LSM14B: variants seen among roughly 807,000 people sequenced by gnomAD.
LSM14B encodes the protein protein LSM14 homolog B.
In LSM14B, 8 loss-of-function variants were observed where a neutral mutation model predicts 42.1. The ratio of observed to expected loss-of-function variants is 0.19; its 90% CI spans 0.11 to 0.34. The LOEUF (loss-of-function observed/expected upper bound fraction) is 0.34. Ranked by LOEUF, LSM14B falls within the 10% of genes least tolerant of loss-of-function variation. The probability of loss-of-function intolerance (pLI) is 1.00; values close to 1 mark genes in which losing one functional copy is unlikely to be tolerated. For synonymous variants in LSM14B, 219 were observed against 209.7 expected (o/e 1.04, Z -0.38); for missense variants, 396 against 513.1 (o/e 0.77, Z 2.21).
intron 2 of LSM14B, among the ~76,000 whole-genome samples, chr20:62,124,991 CT>C (rs2056546261): frequency 6.6e-6 from 1 of 152,108 alleles, no homozygotes; most frequent in African/African-American, 2.4e-5. Context: ...AGCAATTCTC[CT>C]GCCTCAGCCT....
chr20:62,125,063 T>TA (rs1444339698), intron 2 of LSM14B, among the ~76,000 whole-genome samples: 1 of 152,128 alleles, frequency 6.6e-6, no homozygotes, highest in Non-Finnish European at 1.5e-5. Flanking sequence ...GTAATTTTAG[T>TA]AGAGACGGGG....
chr20:62,134,772 G>T lies in LSM14B; in HGVS notation c.*624G>T, dbSNP rs2056860510. The T allele has an allele frequency of 6.2e-6, 1 of 160,070 alleles. No individual in the cohort carries two copies. Among genetic ancestry groups the T allele is most frequent in the Non-Finnish European group, 1.4e-5 (1 of 73,330 alleles). 9.9% of individuals were successfully genotyped at this position (160,070 alleles called of 1,614,324 possible). A position where few individuals can be genotyped will look rare whatever the true frequency, so the allele number is the denominator to read the frequency against. ...GATGTCAAGGTTGGGGCTGGCCAGG[G>T]GTGGGTGGACTAGAAGCATTTGGGA... On this transcript the variant is annotated 3_prime_UTR_variant, in exon 9 of 9. Transcript: ENST00000279068.
chr20:62,129,637 C>T (rs969423197), intron 3 of LSM14B, 148 bp from the exon 4 acceptor site: 3 of 878,924 alleles, frequency 3.4e-6, no homozygotes, highest in African/African-American at 3.4e-5. Flanking sequence ...ATGGCCCAGT[C>T]TGGGGGTGCT....
chr20:62,134,036 GAGA>G, intron 8 of LSM14B, 124 bp from the exon 9 acceptor site: 1 of 354,486 alleles, frequency 2.8e-6, no homozygotes, highest in Non-Finnish European at 5.6e-6. Context: ...AGTGGGTTGT[GAGA>G]AGAATGGGGG....
rs536870744 is a variant in LSM14B, at chr20:62,132,497, G to A, written c.987-793G>A. On this transcript the variant is annotated intron_variant, in intron 7 of 8. Transcript: ENST00000279068. ...TAGGGGCCAGTGCTGCAGCACAGGT[G>A]GCTTGGAACCAGGCAGTGGTGGTGA... 1.5e-3 allele frequency among the ~76,000 whole-genome samples: 229 copies of A among 152,326 alleles called. 1 individual carries two copies. The highest frequency in any genetic ancestry group is 5.3e-3 in the African/African-American group (222 of 41,566).
In LSM14B at chr20:62,126,566, C is replaced by T. The variant is rs115005809; in HGVS notation, c.427+127C>T. 3,134 of 1,262,992 alleles carry T rather than the reference C, an allele frequency of 2.5e-3. 61 individuals are homozygous for T. The African/African-American group carries it at 0.039, about 16-fold the overall frequency. The allele number at this position is 1,262,992 out of a possible 1,614,324, so 78.2% of individuals were successfully genotyped here. A position where few individuals can be genotyped will look rare whatever the true frequency, so the allele number is the denominator to read the frequency against. On this transcript the variant is annotated intron_variant, in intron 3 of 8. Transcript: ENST00000279068. ...AGCTTGTAGACTGTTTTGTTGCACA[C>T]TTAGTAAATTACCCAGTGCAACTTC...
rs954861322 is a variant in LSM14B at position 62,134,196 on chromosome 20, G to A, written c.*48G>A. 4.3e-6 allele frequency: 2 copies of A among 470,222 alleles called. No homozygotes were observed. Among genetic ancestry groups the A allele is most frequent in the African/African-American group, 4.0e-5 (2 of 49,966 alleles). The allele number at this position is 470,222 out of a possible 1,614,324, so 29.1% of individuals were successfully genotyped here. ...TGAAGTGGCGCATAACTGACGCTGTGTGTGTCAGGACGCGAGGAAAACGCT... is the reference window on the plus strand; with the variant it reads ...TGAAGTGGCGCATAACTGACGCTGTATGTGTCAGGACGCGAGGAAAACGCT... On this transcript the variant is annotated 3_prime_UTR_variant, in exon 9 of 9. Transcript: ENST00000279068.
intron 2 of LSM14B, 101 bp downstream of exon 2, chr20:62,124,881 CCTT>C (rs1452477417): frequency 8.7e-7 from 1 of 1,147,928 alleles, no homozygotes; most frequent in East Asian, 3.0e-5. Context: ...TGAGGAATAA[CCTT>C]TTTTTTTTTT....
chr20:62,133,068 G>A (rs1462938154), intron 7 of LSM14B, among the ~76,000 whole-genome samples: 1 of 152,170 alleles, frequency 6.6e-6, no homozygotes, highest in East Asian at 1.9e-4. Context: ...TGGTAGAGAT[G>A]GATCCCGATC....
chr20:62,124,257 C>T (rs192525243), intron 1 of LSM14B, among the ~76,000 whole-genome samples: 1 of 152,384 alleles, frequency 6.6e-6, no homozygotes, highest in Non-Finnish European at 1.5e-5. Context: ...AAGCAGCCGG[C>T]TGGCTGTTGG....
chr20:62,122,741 G>A lies in LSM14B; in HGVS notation c.75G>A (p.Glu25=), dbSNP rs1272009101. The part of the protein sequence containing the change: ...SLISKAQIRY[E]GILYTIDTDN... ...TCTCCAAGGCGCAGATCCGCTACGA[G>A]GGCATTCTCTACACCATCGACACCG... The change falls in exon 1 of 9, where the codon GAG becomes GAA. Residue 25 remains glutamate (E), a synonymous_variant. Coordinates refer to ENST00000279068, the MANE Select transcript of LSM14B (RefSeq NM_144703.3). This position sits in a 1 kb window ranked among gnomAD's most constrained non-coding sequence, Gnocchi z 4.6. 1.3e-6 allele frequency: 2 copies of A among 1,526,504 alleles called. No homozygotes were observed. The highest frequency in any genetic ancestry group is 8.8e-7 in the Non-Finnish European group (1 of 1,132,918). 94.6% of individuals were successfully genotyped at this position (1,526,504 alleles called of 1,614,324 possible).
intron 2 of LSM14B, among the ~76,000 whole-genome samples, chr20:62,125,846 G>A (rs1015058958): frequency 2.0e-5 from 3 of 152,174 alleles, no homozygotes; most frequent in South Asian, 2.1e-4. Context: ...GATCACCTGA[G>A]GTCAGGAGTT....
chr20:62,123,623 G>A (rs1337876839), intron 1 of LSM14B, among the ~76,000 whole-genome samples: 3 of 152,204 alleles, frequency 2.0e-5, no homozygotes, highest in Admixed American at 6.5e-5. Flanking sequence ...CACTTCCCCT[G>A]CCTCTCAGAG....
Position 62,126,383 on chromosome 20 carries a change from G to T in LSM14B, c.371G>T (p.Gly124Val). ...CCTTTCCGAGGGATGGCGCCCTACG[G>T]CCCGCTGGCGGCCAGCTCCCTGCTC... ...YSPFRGMAPYGPLAASSLLSQ... is the reference protein window; with the variant it reads ...YSPFRGMAPYVPLAASSLLSQ... Residue 124 changes from glycine (G) to valine (V), a missense_variant, in exon 3 of 9, where the codon GGC becomes GTC. Physicochemically the swap from Gly to Val is moderately radical, Grantham distance 109. Around this residue, in one of 3 missense-constraint regions of LSM14B, gnomAD observed 274 missense variants for 335.8 expected, o/e 0.82. Transcript: ENST00000279068. 1 of 1,612,212 alleles carries T rather than the reference G, an allele frequency of 6.2e-7. No homozygotes were observed.
chr20:62,131,353 T>G lies in LSM14B; in HGVS notation c.836-3T>G, dbSNP rs768346545. 35 of 1,585,740 alleles carry G rather than the reference T, an allele frequency of 2.2e-5. No individual in the cohort carries two copies. In the South Asian group the frequency reaches 3.7e-4, roughly 17 times the overall value. On this transcript the variant is annotated splice_polypyrimidine_tract_variant and splice_region_variant and intron_variant, in intron 6 of 8. Transcript: ENST00000279068. ...TCTCCACGTGTTCTGCTTCTTTTTG[T>G]AGATGACAAGGCTGAGAAGGGGGAA...
At chr20:62,131,258 T>TG (rs2056757664) in intron 6 of LSM14B, 98 bp from the exon 7 acceptor site, 1 of 1,360,532 alleles carries the variant, frequency 7.4e-7, no homozygotes, top group African/African-American at 1.5e-5. Flanking sequence ...TGTCTTAGCT[T>TG]GAGGGTGGCT....
chr20:62,129,733 G>C, intron 3 of LSM14B, 52 bp from the exon 4 acceptor site: 4 of 1,517,202 alleles, frequency 2.6e-6, no homozygotes, highest in Non-Finnish European at 3.6e-6. Flanking sequence ...GGAGATATAA[G>C]GCTTGCTTCT....
intron 6 of LSM14B, among the ~76,000 whole-genome samples, 155 bp from the exon 7 acceptor site, chr20:62,131,201 T>G (rs949602019): frequency 6.6e-6 from 1 of 152,160 alleles, no homozygotes. Context: ...AGACCTGTAC[T>G]TAGAAGGTAG....
chr20:62,125,398 C>T (rs1268628384), intron 2 of LSM14B, among the ~76,000 whole-genome samples: 1 of 152,168 alleles, frequency 6.6e-6, no homozygotes, highest in Admixed American at 6.5e-5. Context: ...TCGGGCATAG[C>T]GTTTGCCCTT....
Sources: gnomAD v4.1 joint callset for allele counts (sites outside exome capture counted in the v4.1 genomes callset) on GRCh38, gnomAD v4.1.1 for gene constraint, gnomAD v4.1.1 regional missense constraint, Gnocchi (gnomAD v3.1) non-coding constraint, MANE v1.5 for transcripts, NCBI Gene and HGNC (gene_info 2026-07-23, HGNC 2026-07-21) for gene names.